SNTG1: variants seen among roughly 807,000 people sequenced by gnomAD.
SNTG1 encodes the protein syntrophin gamma 1.
In SNTG1, 39 loss-of-function variants were observed where a neutral mutation model predicts 74.7. That is an observed-to-expected ratio of 0.52 (90% CI 0.40 to 0.68). The LOEUF is 0.68. Among genes scored for constraint, SNTG1 ranks in the 30% least tolerant of loss-of-function variants. The probability of loss-of-function intolerance (pLI) is 0.00; values close to 1 mark genes in which losing one functional copy is unlikely to be tolerated. For missense variants in SNTG1, 685 were observed against 609.5 expected, an observed-to-expected ratio of 1.12 and a Z score of -1.30; for synonymous variants, 254 against 217.1, an observed-to-expected ratio of 1.17 and a Z score of -1.49.
At chr8:50,288,298 A>G (rs2088898106) in intron 2 of SNTG1, among the ~76,000 whole-genome samples, 1 of 152,194 alleles carries the variant, frequency 6.6e-6, no homozygotes, top group African/African-American at 2.4e-5. Context: ...TAATTGTTTT[A>G]CAAAAAGAGA....
At chr8:50,544,103 C>T (rs547814851) in intron 11 of SNTG1, among the ~76,000 whole-genome samples, 2 of 152,054 alleles carry the variant, frequency 1.3e-5, no homozygotes, top group African/African-American at 4.8e-5. Context: ...GTTTTATTTC[C>T]TTACCTCTTG....
chr8:50,333,161 C>A (rs1252390255), intron 2 of SNTG1, among the ~76,000 whole-genome samples: 1 of 152,200 alleles, frequency 6.6e-6, no homozygotes, highest in African/African-American at 2.4e-5. Context: ...GGCCCTGGCC[C>A]CATCACAGAA....
In SNTG1 at chr8:50,502,784, G is replaced by T. The variant is rs189367709; in HGVS notation, c.370G>T (p.Val124Phe). The T allele has an allele frequency of 1.7e-5, 27 of 1,612,042 alleles. No homozygotes were observed. Among genetic ancestry groups the T allele is most frequent in the African/African-American group, 2.7e-5 (2 of 74,982 alleles). ...TTTTTATTCTTTTTTTCAGGTTCAG[G>T]TTCTTCGGAATGCTGGAGAAGAAGT... ...RKCRHEEVVQ[V>F]LRNAGEEVTL... The change falls in exon 9 of 19, where the codon GTT becomes TTT. Residue 124 changes from valine to phenylalanine, a missense_variant. Coordinates refer to ENST00000642720, the MANE Select transcript of SNTG1 (RefSeq NM_018967.5).
intron 1 of SNTG1, among the ~76,000 whole-genome samples, chr8:50,107,891 G>T (rs1410014292): frequency 6.6e-6 from 1 of 152,106 alleles, no homozygotes; most frequent in African/African-American, 2.4e-5. Flanking sequence ...ACTAAGTGTT[G>T]TAAGAATGAA....
chr8:50,155,284 T>C (rs1257807201), intron 1 of SNTG1, among the ~76,000 whole-genome samples: 1 of 152,190 alleles, frequency 6.6e-6, no homozygotes, highest in African/African-American at 2.4e-5. Context: ...ACATGATCAG[T>C]TGGTTTTCAT....
chr8:50,526,278 A>G (rs995046114), intron 9 of SNTG1, among the ~76,000 whole-genome samples: 4 of 152,130 alleles, frequency 2.6e-5, no homozygotes, highest in African/African-American at 9.7e-5. Context: ...CCCAAAAGCC[A>G]GAATATTGGA....
chr8:50,526,738 C>T (rs1347626191), intron 9 of SNTG1, among the ~76,000 whole-genome samples: 1 of 152,040 alleles, frequency 6.6e-6, no homozygotes, highest in African/African-American at 2.4e-5. Context: ...AGTTCTCCTG[C>T]TCAGCCACCC....
Position 49,953,446 on chromosome 8 carries a change from A to T in SNTG1, c.-103+41215A>T, listed in dbSNP as rs931233949. Among the ~76,000 whole-genome samples, 9 of 152,320 alleles carry T rather than the reference A, an allele frequency of 5.9e-5. No individual in the cohort carries two copies. In the South Asian group the frequency reaches 6.2e-4, roughly 11 times the overall value. ...CATATTTCCCTGGGAACTAGAGATT[A>T]CAAGTGCCCTTACCATACAGGTCAG... On this transcript the variant is annotated intron_variant, in intron 1 of 18. Coordinates refer to ENST00000642720, the MANE Select transcript of SNTG1 (RefSeq NM_018967.5).
chr8:50,297,526 C>T (rs751817034), intron 2 of SNTG1, among the ~76,000 whole-genome samples: 1 of 152,004 alleles, frequency 6.6e-6, no homozygotes, highest in African/African-American at 2.4e-5. Context: ...CACTTTGGGG[C>T]ATTACACAGT....
At chr8:50,650,992 C>G (rs371379058) in intron 13 of SNTG1, among the ~76,000 whole-genome samples, 1 of 152,066 alleles carries the variant, frequency 6.6e-6, no homozygotes. Context: ...TGAGCCACTG[C>G]GCCTGGCCTC....
chr8:50,392,333 G>T (rs889905229), intron 2 of SNTG1, among the ~76,000 whole-genome samples: 1 of 152,172 alleles, frequency 6.6e-6, no homozygotes, highest in Admixed American at 6.6e-5. Context: ...CTGAGCCCTG[G>T]AGGTGGGATT....
chr8:50,007,918 A>C (rs1208230195), intron 1 of SNTG1, among the ~76,000 whole-genome samples: 2 of 152,194 alleles, frequency 1.3e-5, no homozygotes, highest in Non-Finnish European at 2.9e-5. Context: ...CACCTACTTC[A>C]CAAGGTGGCA....
chr8:49,956,069 A>G (rs1810129633), intron 1 of SNTG1, among the ~76,000 whole-genome samples: 1 of 152,230 alleles, frequency 6.6e-6, no homozygotes. Context: ...CTGAAGTGTT[A>G]CATACATCAA....
chr8:49,974,390 TA>T (rs1192496400), intron 1 of SNTG1, among the ~76,000 whole-genome samples: 2 of 152,188 alleles, frequency 1.3e-5, no homozygotes, highest in African/African-American at 4.8e-5. Flanking sequence ...GATAAAGAGT[TA>T]AAGCATGAAT....
chr8:50,154,921 A>G (rs1040227971), intron 1 of SNTG1, among the ~76,000 whole-genome samples: 3 of 152,248 alleles, frequency 2.0e-5, no homozygotes, highest in African/African-American at 7.2e-5. Context: ...GCAATGTGGC[A>G]ATGTTAACCT....
intron 8 of SNTG1, among the ~76,000 whole-genome samples, chr8:50,472,823 C>T (rs2093663742): frequency 6.6e-6 from 1 of 151,928 alleles, no homozygotes; most frequent in African/African-American, 2.4e-5. Context: ...TTAACAACAA[C>T]AACAACAACA....
At chr8:50,056,179 G>C (rs535829745) in intron 1 of SNTG1, among the ~76,000 whole-genome samples, 1 of 152,130 alleles carries the variant, frequency 6.6e-6, no homozygotes, top group African/African-American at 2.4e-5. Context: ...TTTAATCTAA[G>C]GATTCTCTGT....
rs569901751 is a variant in SNTG1 at position 50,266,406 on chromosome 8, T to C, written c.-28+93771T>C. The stretch of plus-strand genomic sequence containing the variant: ...TAAGCAAATGAATGAAGTTGGATCA[T>C]GTCCTCAAATCATAAACAAAAGTTA... On this transcript the variant is annotated intron_variant, in intron 2 of 18. Transcript: ENST00000642720. Among the ~76,000 whole-genome samples the C allele has an allele frequency of 3.1e-3, 477 of 152,144 alleles. 3 individuals carry two copies. The highest frequency in any genetic ancestry group is 0.011 in the African/African-American group (457 of 41,556).
At chr8:49,998,101 A>G (rs1245247943) in intron 1 of SNTG1, among the ~76,000 whole-genome samples, 1 of 152,196 alleles carries the variant, frequency 6.6e-6, no homozygotes, top group African/African-American at 2.4e-5. Flanking sequence ...CAATTGTAAC[A>G]GCATGGTAAG....
Sources: allele counts gnomAD v4.1 joint callset (sites outside exome capture counted in the v4.1 genomes callset), GRCh38; gene constraint gnomAD v4.1.1; transcripts MANE v1.5; gene names NCBI Gene and HGNC (gene_info 2026-07-23, HGNC 2026-07-21).